Variants in KDELR2 observed in about 807,000 individuals in gnomAD.
The protein encoded by KDELR2 is ER lumen protein-retaining receptor 2.
KDELR2 carries 15 observed loss-of-function variants against 23.9 expected under a neutral mutation model. The ratio of observed to expected loss-of-function variants is 0.63; its 90% CI spans 0.42 to 0.97. The LOEUF (loss-of-function observed/expected upper bound fraction) is 0.97. Among genes scored for constraint, KDELR2 ranks in the 50% least tolerant of loss-of-function variants. The pLI, the probability that KDELR2 is intolerant of heterozygous loss-of-function variation, is 0.00. For missense variants in KDELR2, 272 were observed against 254.6 expected, an observed-to-expected ratio of 1.07 and a Z score of -0.46; for synonymous variants, 119 against 106.2, an observed-to-expected ratio of 1.12 and a Z score of -0.74.
Position 6,484,073 on chromosome 7 carries a change from G to C in KDELR2, c.-16C>G. 6.8e-7 allele frequency: 1 copy of C among 1,473,772 alleles called. No homozygotes were observed. The highest frequency in any genetic ancestry group is 1.3e-5 in the South Asian group (1 of 77,646). 91.3% of individuals were successfully genotyped at this position (1,473,772 alleles called of 1,614,324 possible). A position where few individuals can be genotyped will look rare whatever the true frequency, so the allele number is the denominator to read the frequency against. On this transcript the variant is annotated 5_prime_UTR_variant, in exon 1 of 5. Coordinates refer to ENST00000258739, the MANE Select transcript of KDELR2 (RefSeq NM_006854.4). ...AAATGTTCATGGCGGCGGCGGCGGT[G>C]GCGGTCGGCGCAGCGCGGCGGCCCC...
intron 2 of KDELR2, chr7:6,469,977 C>T (rs1159411457): frequency 2.7e-6 from 1 of 369,632 alleles, no homozygotes. Flanking sequence ...TCCATCATCC[C>T]CAAAATTCTG....
chr7:6,466,533 CCA>C (rs1469525997), intron 3 of KDELR2, among the ~76,000 whole-genome samples: 2 of 152,206 alleles, frequency 1.3e-5, no homozygotes, highest in Non-Finnish European at 2.9e-5. Context: ...GACAATTTTT[CCA>C]CAGACCAGCA....
At chr7:6,472,254 G>C (rs1281524513) in intron 2 of KDELR2, among the ~76,000 whole-genome samples, 1 of 152,198 alleles carries the variant, frequency 6.6e-6, no homozygotes, top group Non-Finnish European at 1.5e-5. Flanking sequence ...CCAGGACCTA[G>C]ACTGTGGCCA....
At chr7:6,473,263 T>G (rs1583318777) in intron 2 of KDELR2, among the ~76,000 whole-genome samples, 1 of 152,070 alleles carries the variant, frequency 6.6e-6, no homozygotes, top group East Asian at 1.9e-4. Flanking sequence ...CTTATACTTT[T>G]CCTTTGTGGC....
At chr7:6,469,094 G>A (rs999187239) in intron 3 of KDELR2, among the ~76,000 whole-genome samples, 7 of 151,846 alleles carry the variant, frequency 4.6e-5, no homozygotes, top group Non-Finnish European at 5.9e-5. Flanking sequence ...TGGGACTACA[G>A]GTGCCCGCCA....
At chr7:6,469,812 C>T in intron 2 of KDELR2, 58 bp from the exon 3 acceptor site, 1 of 1,443,628 alleles carries the variant, frequency 6.9e-7, no homozygotes, top group Non-Finnish European at 9.3e-7. Context: ...CCAGCACCCC[C>T]CAGCTTTTTT....
At chr7:6,483,880 G>A (rs1389714718) in intron 1 of KDELR2, 87 bp downstream of exon 1, 1 of 1,093,622 alleles carries the variant, frequency 9.1e-7, no homozygotes, top group Non-Finnish European at 1.2e-6. Flanking sequence ...CAGGCCCCGC[G>A]AGCCGTGGGG....
chr7:6,471,502 G>C (rs1785641068), intron 2 of KDELR2, among the ~76,000 whole-genome samples: 1 of 152,112 alleles, frequency 6.6e-6, no homozygotes, highest in Admixed American at 6.6e-5. Context: ...TTATTTAAAA[G>C]TCTGGTGGTG....
chr7:6,481,921 G>A (rs952374116), intron 1 of KDELR2, among the ~76,000 whole-genome samples: 2 of 152,068 alleles, frequency 1.3e-5, no homozygotes, highest in South Asian at 4.1e-4. Flanking sequence ...CTAAGACTCA[G>A]ATCCCACCTC....
At position 6,462,736 on chromosome 7, in the gene KDELR2, T is replaced by TA; in HGVS notation, c.*404dup. 1 of 409,318 alleles carries TA rather than the reference T, an allele frequency of 2.4e-6. No homozygotes were observed. The highest frequency in any genetic ancestry group is 4.1e-5 in the East Asian group (1 of 24,524). 25.4% of individuals were successfully genotyped at this position (409,318 alleles called of 1,614,324 possible). The stretch of plus-strand genomic sequence containing the variant: ...TGCAAGTTTGAGGGATGGAAGAATA[T>TA]ATAATCTATCAACTGTCAAGGAGTA... On this transcript the variant is annotated 3_prime_UTR_variant, in exon 5 of 5. Coordinates refer to ENST00000258739, the MANE Select transcript of KDELR2 (RefSeq NM_006854.4).
chr7:6,477,783 A>G (rs374879742), intron 1 of KDELR2, among the ~76,000 whole-genome samples: 23 of 152,322 alleles, frequency 1.5e-4, no homozygotes, highest in African/African-American at 5.5e-4. Flanking sequence ...GAGGTATTAT[A>G]TATTACAAAA....
At chr7:6,464,188 ACT>A (rs1211756274) in intron 4 of KDELR2, among the ~76,000 whole-genome samples, 1 of 105,326 alleles carries the variant, frequency 9.5e-6, no homozygotes, top group African/African-American at 3.6e-5. Context: ...CAAGAGCAAA[ACT>A]CTGTCTCAAA....
intron 1 of KDELR2, among the ~76,000 whole-genome samples, chr7:6,480,225 C>T (rs1785860277): frequency 6.6e-6 from 1 of 152,188 alleles, no homozygotes; most frequent in Non-Finnish European, 1.5e-5. Context: ...TACTAATAGA[C>T]ACAGCACTAC....
intron 3 of KDELR2, among the ~76,000 whole-genome samples, chr7:6,468,501 G>T (rs1467264865): frequency 2.7e-5 from 4 of 150,612 alleles, no homozygotes; most frequent in Middle Eastern, 6.9e-3. Context: ...GCTAATTTTT[G>T]ATTTTCTTTC....
At chr7:6,478,398 T>G (rs1410478521) in intron 1 of KDELR2, among the ~76,000 whole-genome samples, 1 of 152,084 alleles carries the variant, frequency 6.6e-6, no homozygotes, top group Non-Finnish European at 1.5e-5. Context: ...TCCTTTAGCT[T>G]TGACCTCCCA....
At chr7:6,463,286 G>T in intron 4 of KDELR2, 111 bp from the exon 5 acceptor site, 1 of 794,404 alleles carries the variant, frequency 1.3e-6, no homozygotes, top group East Asian at 2.5e-5. Flanking sequence ...TACATAGTAA[G>T]GTATAGGAAA....
At chr7:6,466,377 G>T (rs987916936) in intron 3 of KDELR2, 54 bp from the exon 4 acceptor site, 1 of 1,591,766 alleles carries the variant, frequency 6.3e-7, no homozygotes, top group Non-Finnish European at 8.6e-7. Flanking sequence ...CAGGAGCTCA[G>T]AGGAAACACT....
chr7:6,468,422 A>C (rs1294586788), intron 3 of KDELR2, among the ~76,000 whole-genome samples: 2 of 151,256 alleles, frequency 1.3e-5, no homozygotes, highest in East Asian at 3.9e-4. Flanking sequence ...TTCCGCCTCC[A>C]GGTTTAAGTG....
intron 4 of KDELR2, among the ~76,000 whole-genome samples, chr7:6,465,534 A>G (rs912807154): frequency 6.6e-6 from 1 of 152,034 alleles, no homozygotes; most frequent in Non-Finnish European, 1.5e-5. Context: ...AAATATTTGT[A>G]AAGTTCACAC....
Sources: allele counts gnomAD v4.1 joint callset (sites outside exome capture counted in the v4.1 genomes callset), GRCh38; gene constraint gnomAD v4.1.1; transcripts MANE v1.5; gene names NCBI Gene and HGNC (gene_info 2026-07-23, HGNC 2026-07-21).